PLXDC1: variants seen among roughly 807,000 people sequenced by gnomAD.
PLXDC1 encodes plexin domain-containing protein 1.
Under a neutral mutation model 61.3 loss-of-function variants are expected in PLXDC1, and 39 were observed. The ratio of observed to expected loss-of-function variants is 0.64; its 90% CI spans 0.49 to 0.83. The LOEUF (loss-of-function observed/expected upper bound fraction) is 0.83. Ranked by LOEUF, PLXDC1 falls within the 40% of genes least tolerant of loss-of-function variation. The pLI is 0.00. For synonymous variants in PLXDC1, 212 were observed against 254.5 expected, an observed-to-expected ratio of 0.83 and a Z score of 1.59; for missense variants, 596 against 666.5, an observed-to-expected ratio of 0.89 and a Z score of 1.17.
At chr17:39,116,750 A>C (rs974620258) in intron 2 of PLXDC1, among the ~76,000 whole-genome samples, 1 of 152,232 alleles carries the variant, frequency 6.6e-6, no homozygotes, top group Non-Finnish European at 1.5e-5. Context: ...GGCAGCAGGC[A>C]TGGAACATGG....
At chr17:39,136,070 A>G (rs902765556) in intron 2 of PLXDC1, among the ~76,000 whole-genome samples, 2 of 152,178 alleles carry the variant, frequency 1.3e-5, no homozygotes, top group Admixed American at 6.5e-5. Flanking sequence ...CAATGGCCCA[A>G]TAAAGCTGTG....
At chr17:39,096,721 A>G (rs997858009) in intron 7 of PLXDC1, 1 of 351,936 alleles carries the variant, frequency 2.8e-6, no homozygotes, top group African/African-American at 2.1e-5. Flanking sequence ...AATCCTCACT[A>G]ACTGATCCCA....
chr17:39,102,162 C>G (rs1483744632), intron 7 of PLXDC1, among the ~76,000 whole-genome samples: 1 of 152,076 alleles, frequency 6.6e-6, no homozygotes, highest in Non-Finnish European at 1.5e-5. Flanking sequence ...TGGGTGCTAA[C>G]CAGCCTTTAC....
chr17:39,103,235 C>T (rs956342572), intron 7 of PLXDC1, among the ~76,000 whole-genome samples: 1 of 151,084 alleles, frequency 6.6e-6, no homozygotes, highest in African/African-American at 2.4e-5. Flanking sequence ...AAAAGACATG[C>T]ATTACTAAAT....
chr17:39,139,983 T>C, intron 1 of PLXDC1, 151 bp from the exon 2 acceptor site: 3 of 723,024 alleles, frequency 4.1e-6, no homozygotes, highest in South Asian at 4.1e-5. Context: ...AGACACCCAA[T>C]GTGTACTGAG....
At chr17:39,068,541 G>T (rs1193028910) in intron 13 of PLXDC1, among the ~76,000 whole-genome samples, 1 of 152,170 alleles carries the variant, frequency 6.6e-6, no homozygotes, top group Non-Finnish European at 1.5e-5. Context: ...GCTGAGTGTG[G>T]TGGCACGTGC....
intron 2 of PLXDC1, among the ~76,000 whole-genome samples, chr17:39,133,229 G>A (rs925649089): frequency 3.9e-5 from 6 of 152,136 alleles, no homozygotes; most frequent in Admixed American, 6.5e-5. Flanking sequence ...GCTGCTGGGG[G>A]TATCACCAGC....
intron 7 of PLXDC1, among the ~76,000 whole-genome samples, chr17:39,102,690 T>A (rs1272692586): frequency 3.4e-5 from 5 of 145,724 alleles, no homozygotes; most frequent in South Asian, 2.2e-4. Context: ...AACACTGACA[T>A]CGTATGCTAT....
intron 2 of PLXDC1, among the ~76,000 whole-genome samples, chr17:39,120,812 G>A (rs1202905001): frequency 1.3e-5 from 2 of 149,134 alleles, no homozygotes; most frequent in East Asian, 4.0e-4. Flanking sequence ...TGCCCAGGGT[G>A]GAGTGCAATA....
Position 39,151,624 on chromosome 17 carries a change from C to T in PLXDC1, c.-187G>A. 9.6e-7 allele frequency: 1 copy of T among 1,037,836 alleles called. No homozygotes were observed. The highest frequency in any genetic ancestry group is 4.7e-5 in the South Asian group (1 of 21,504). 64.3% of individuals were successfully genotyped at this position (1,037,836 alleles called of 1,614,324 possible). On this transcript the variant is annotated 5_prime_UTR_variant, in exon 1 of 14. Transcript: ENST00000315392. The surrounding 1 kb of genome is among the most constrained non-coding windows in gnomAD (Gnocchi z 5.2). The stretch of plus-strand genomic sequence containing the variant: ...AGAGCGCGAGCGGAGCTGGAGGCTG[C>T]GGCCTCCGGGAGCAGGCGGGGAGCT...
chr17:39,151,264 C>T lies in PLXDC1; in HGVS notation c.76+98G>A. On this transcript the variant is annotated intron_variant, in intron 1 of 13. Transcript: ENST00000315392. This position sits in a 1 kb window ranked among gnomAD's most constrained non-coding sequence, Gnocchi z 5.2. ...CCTCCTGCGGACAATGCCCCCCTCG[C>T]GGACATCGCCAGGCCGTCCACACCT... 1 of 924,672 alleles carries T rather than the reference C, an allele frequency of 1.1e-6. No homozygotes were observed. The highest frequency in any genetic ancestry group is 1.4e-6 in the Non-Finnish European group (1 of 705,122). 57.3% of individuals were successfully genotyped at this position (924,672 alleles called of 1,614,324 possible).
intron 2 of PLXDC1, among the ~76,000 whole-genome samples, chr17:39,121,470 C>T (rs757914213): frequency 1.2e-4 from 18 of 152,180 alleles, no homozygotes; most frequent in Non-Finnish European, 2.5e-4. Flanking sequence ...TGTGATTCTT[C>T]TTCTCTAAAG....
chr17:39,139,722 G>T lies in PLXDC1; in HGVS notation c.187C>A (p.Leu63Met), dbSNP rs754901485. The change falls in exon 2 of 14, where the codon CTG (leucine) becomes ATG (methionine). Residue 63 changes from leucine (L) to methionine (M), a missense_variant. Coordinates refer to ENST00000315392, the MANE Select transcript of PLXDC1 (RefSeq NM_020405.5). ...GTGCCCCCACCCAGGTCCTGGCTCAGCTGGGTCCTGTCCGGCTCTGACACA... is the reference window on the plus strand; with the variant it reads ...GTGCCCCCACCCAGGTCCTGGCTCATCTGGGTCCTGTCCGGCTCTGACACA... ...GHVSEPDRTQ[L>M]SQDLGGGTLA... 1.9e-6 allele frequency: 3 copies of T among 1,613,988 alleles called. No homozygotes were observed. The highest frequency in any genetic ancestry group is 1.1e-5 in the South Asian group (1 of 91,068).
At chr17:39,121,796 T>C (rs1000492155) in intron 2 of PLXDC1, among the ~76,000 whole-genome samples, 2 of 152,164 alleles carry the variant, frequency 1.3e-5, no homozygotes, top group African/African-American at 4.8e-5. Flanking sequence ...CAATGGAAGA[T>C]GAGCAGAAAG....
At position 39,064,644 on chromosome 17, in the gene PLXDC1, G is replaced by C. The variant is rs1908827527; in HGVS notation, c.*3196C>G. On this transcript the variant is annotated 3_prime_UTR_variant, in exon 14 of 14. Transcript: ENST00000315392. The stretch of plus-strand genomic sequence containing the variant: ...ACCAGACTCATCCGAACGCTTGGCT[G>C]ATGGTTTTCCAGTTGCTCCGTGGTT... The C allele has an allele frequency of 6.6e-6, 1 of 152,200 alleles. No individual in the cohort carries two copies. The highest frequency in any genetic ancestry group is 1.5e-5 in the Non-Finnish European group (1 of 68,060). The allele number at this position is 152,200 out of a possible 1,614,324, so 9.4% of individuals were successfully genotyped here.
chr17:39,092,424 T>C (rs1909990689), intron 7 of PLXDC1, among the ~76,000 whole-genome samples: 1 of 152,202 alleles, frequency 6.6e-6, no homozygotes, highest in South Asian at 2.1e-4. Flanking sequence ...GGAAAACATC[T>C]ACTTAAACGA....
In PLXDC1 at chr17:39,151,267, A is replaced by T; in HGVS notation, c.76+95T>A. 1 of 949,582 alleles carries T rather than the reference A, an allele frequency of 1.1e-6. No homozygotes were observed. Among genetic ancestry groups the T allele is most frequent in the Non-Finnish European group, 1.4e-6 (1 of 727,862 alleles). 58.8% of individuals were successfully genotyped at this position (949,582 alleles called of 1,614,324 possible). ...CCTGCGGACAATGCCCCCCTCGCGG[A>T]CATCGCCAGGCCGTCCACACCTGCC... On this transcript the variant is annotated intron_variant, in intron 1 of 13. Transcript: ENST00000315392. The surrounding 1 kb of genome is among the most constrained non-coding windows in gnomAD (Gnocchi z 5.2).
chr17:39,147,651 G>A (rs1187812997), intron 1 of PLXDC1, among the ~76,000 whole-genome samples: 1 of 147,312 alleles, frequency 6.8e-6, no homozygotes, highest in East Asian at 2.2e-4. Context: ...CCACCAGGTA[G>A]CAGAAGGGAA....
chr17:39,068,056 T>C (rs1598180479), intron 13 of PLXDC1, 97 bp from the exon 14 acceptor site: 5 of 1,248,006 alleles, frequency 4.0e-6, no homozygotes, highest in Admixed American at 2.2e-5. Context: ...CTGTCTCTTA[T>C]AAGGGCCCTG....
Sources: gnomAD v4.1 joint callset for allele counts (sites outside exome capture counted in the v4.1 genomes callset) on GRCh38, gnomAD v4.1.1 for gene constraint, Gnocchi (gnomAD v3.1) non-coding constraint, MANE v1.5 for transcripts, NCBI Gene and HGNC (gene_info 2026-07-23, HGNC 2026-07-21) for gene names.